FRMD4A: variants seen among roughly 807,000 people sequenced by gnomAD.
The protein encoded by FRMD4A is FERM domain containing 4A.
Under a neutral mutation model 129.1 loss-of-function variants are expected in FRMD4A, and 29 were observed. That is an observed-to-expected ratio of 0.22 (90% CI 0.17 to 0.31). The LOEUF is 0.31. Ranked by LOEUF, FRMD4A falls within the 10% of genes least tolerant of loss-of-function variation. The probability of loss-of-function intolerance (pLI) is 1.00; values close to 1 mark genes in which losing one functional copy is unlikely to be tolerated. For missense variants in FRMD4A, 1,272 were observed against 1,375.8 expected (o/e 0.92, Z 1.19); for synonymous variants, 634 against 571.6 (o/e 1.11, Z -1.56).
chr10:14,207,992 G>A (rs1392510749), intron 2 of FRMD4A, among the ~76,000 whole-genome samples: 4 of 151,952 alleles, frequency 2.6e-5, no homozygotes, highest in Non-Finnish European at 1.5e-5. Context: ...CTTGAACTTA[G>A]GAGTTCAAGA....
chr10:13,937,373 A>T (rs1397320374), intron 2 of FRMD4A, among the ~76,000 whole-genome samples: 1 of 152,226 alleles, frequency 6.6e-6, no homozygotes, highest in Non-Finnish European at 1.5e-5. Flanking sequence ...CAACTTTATG[A>T]GCAGATACCT....
intron 14 of FRMD4A, among the ~76,000 whole-genome samples, chr10:13,698,109 G>C (rs888224993): frequency 2.2e-5 from 2 of 91,978 alleles, no homozygotes; most frequent in Non-Finnish European, 4.7e-5. Context: ...GGAGAGACAG[G>C]CAGAGAGAAA....
intron 2 of FRMD4A, among the ~76,000 whole-genome samples, chr10:14,163,335 GTTA>G (rs1841003061): frequency 6.6e-6 from 1 of 152,154 alleles, no homozygotes; most frequent in Admixed American, 6.5e-5. Flanking sequence ...AAGATACTAA[GTTA>G]TTATCATTAA....
intron 2 of FRMD4A, among the ~76,000 whole-genome samples, chr10:14,327,655 T>C (rs1843330622): frequency 6.6e-6 from 1 of 152,230 alleles, no homozygotes; most frequent in African/African-American, 2.4e-5. Context: ...TCTGGGTGTC[T>C]CCTTATCCAA....
intron 2 of FRMD4A, among the ~76,000 whole-genome samples, chr10:14,139,726 A>T (rs1388839778): frequency 6.6e-6 from 1 of 152,200 alleles, no homozygotes; most frequent in Non-Finnish European, 1.5e-5. Context: ...TTAAGATTAC[A>T]GACATGAGTG....
rs35858288 is a variant in FRMD4A, at chr10:13,754,289, C to CAA, written c.465-6472_465-6471dup. Reference sequence around the variant, plus strand: ...ATAGAATTTGAAGAATATCATCCTGCAAAAAAAAAACTACCCTATCCCTAT... The same window carrying CAA: ...ATAGAATTTGAAGAATATCATCCTGCAAAAAAAAAAAACTACCCTATCCCTAT... On this transcript the variant is annotated intron_variant, in intron 8 of 24. Coordinates refer to ENST00000357447, the MANE Select transcript of FRMD4A (RefSeq NM_018027.5). Among the ~76,000 whole-genome samples, 426 of 149,742 alleles carry CAA rather than the reference C, an allele frequency of 2.8e-3. 1 individual carries two copies. The highest frequency in any genetic ancestry group is 4.2e-3 in the Non-Finnish European group (284 of 67,258).
At chr10:13,996,074 T>C (rs1000165241) in intron 2 of FRMD4A, among the ~76,000 whole-genome samples, 2 of 152,186 alleles carry the variant, frequency 1.3e-5, no homozygotes, top group Admixed American at 1.3e-4. Context: ...AGCACTCACT[T>C]TCTGGCTTAC....
chr10:13,745,071 T>C (rs955470808), intron 9 of FRMD4A, among the ~76,000 whole-genome samples: 1 of 152,224 alleles, frequency 6.6e-6, no homozygotes, highest in African/African-American at 2.4e-5. Flanking sequence ...AGACTTGTAA[T>C]GTTCCCAACA....
At chr10:13,913,431 G>A (rs568713968) in intron 2 of FRMD4A, among the ~76,000 whole-genome samples, 1 of 152,122 alleles carries the variant, frequency 6.6e-6, no homozygotes, top group Admixed American at 6.5e-5. Flanking sequence ...GAATTGTATG[G>A]TTTGTGAATT....
chr10:13,724,039 C>T (rs1419884514), intron 12 of FRMD4A, among the ~76,000 whole-genome samples: 5 of 152,104 alleles, frequency 3.3e-5, no homozygotes, highest in South Asian at 2.1e-4. Context: ...TGGGACTGCC[C>T]GTGTTTTTAT....
intron 2 of FRMD4A, among the ~76,000 whole-genome samples, chr10:14,275,706 C>A (rs138261438): frequency 6.6e-6 from 1 of 152,250 alleles, no homozygotes; most frequent in Non-Finnish European, 1.5e-5. Context: ...AAGCGTTAAG[C>A]CTTTTTTCTC....
At chr10:14,057,198 C>T (rs1458135936) in intron 2 of FRMD4A, among the ~76,000 whole-genome samples, 1 of 152,190 alleles carries the variant, frequency 6.6e-6, no homozygotes, top group African/African-American at 2.4e-5. Flanking sequence ...TTCCTAGGCT[C>T]TTAATTATTT....
intron 2 of FRMD4A, among the ~76,000 whole-genome samples, chr10:14,316,227 T>G (rs1010843902): frequency 1.3e-5 from 2 of 152,166 alleles, no homozygotes; most frequent in Non-Finnish European, 2.9e-5. Context: ...ATGTTAACAT[T>G]TAATTGTCAT....
At position 14,231,759 on chromosome 10, in the gene FRMD4A, T is replaced by C. The variant is rs375084111; in HGVS notation, c.45+98299A>G. Among the ~76,000 whole-genome samples, 5 of 152,346 alleles carry C rather than the reference T, an allele frequency of 3.3e-5. No individual in the cohort carries two copies. In the South Asian group the frequency reaches 1.0e-3, roughly 32 times the overall value. On this transcript the variant is annotated intron_variant, in intron 2 of 24. Coordinates refer to ENST00000357447, the MANE Select transcript of FRMD4A (RefSeq NM_018027.5). ...AGAAGTGTTTGTTTATGTTTTTTGC[T>C]CATTTTTAAGGGGGTGGGTTGTGTC... is the stretch of plus-strand genomic sequence containing the variant.
chr10:14,016,015 CA>C (rs2095698024), intron 2 of FRMD4A, among the ~76,000 whole-genome samples: 1 of 152,272 alleles, frequency 6.6e-6, no homozygotes, highest in African/African-American at 2.4e-5. Flanking sequence ...ACTGGGGATG[CA>C]AGATAACTTT....
chr10:13,772,367 C>A (rs1159499192), intron 6 of FRMD4A, among the ~76,000 whole-genome samples: 1 of 151,810 alleles, frequency 6.6e-6, no homozygotes, highest in Non-Finnish European at 1.5e-5. Context: ...GGTTAAGTTA[C>A]CTACAGGTCG....
chr10:14,115,691 G>T (rs1838163835), intron 2 of FRMD4A, among the ~76,000 whole-genome samples: 1 of 152,080 alleles, frequency 6.6e-6, no homozygotes, highest in Non-Finnish European at 1.5e-5. Flanking sequence ...AAAAGAGCCT[G>T]GTACCTCCCT....
rs1412706430 is a variant in FRMD4A, at chr10:13,925,852, G to A, written c.46-66940C>T. ...CCCACCTCGGCCTCCCAGAGTGCTGGGATTACAGGGGTGAGCCACTGCACC... is the reference window on the plus strand; with the variant it reads ...CCCACCTCGGCCTCCCAGAGTGCTGAGATTACAGGGGTGAGCCACTGCACC... On this transcript the variant is annotated intron_variant, in intron 2 of 24. Transcript: ENST00000357447. 3.3e-5 allele frequency among the ~76,000 whole-genome samples: 5 copies of A among 149,604 alleles called. No individual in the cohort carries two copies. The East Asian group carries it at 9.9e-4, about 30-fold the overall frequency.
chr10:13,747,049 A>G (rs2091328094), intron 9 of FRMD4A, among the ~76,000 whole-genome samples: 1 of 152,192 alleles, frequency 6.6e-6, no homozygotes, highest in Non-Finnish European at 1.5e-5. Flanking sequence ...CCCACGTCTC[A>G]AAACCTCACA....
Sources: gnomAD v4.1 joint callset for allele counts (sites outside exome capture counted in the v4.1 genomes callset) on GRCh38, gnomAD v4.1.1 for gene constraint, MANE v1.5 for transcripts, NCBI Gene and HGNC (gene_info 2026-07-23, HGNC 2026-07-21) for gene names.